Variants in LDLRAD3 observed in about 807,000 individuals in gnomAD.
LDLRAD3 encodes the protein low-density lipoprotein receptor class A domain-containing protein 3.
Under a neutral mutation model 29.4 loss-of-function variants are expected in LDLRAD3, and 20 were observed. The observed-to-expected ratio is 0.68, with a 90% CI of 0.48 to 0.99. The LOEUF is 0.99. Ranked by LOEUF, LDLRAD3 falls within the 50% of genes least tolerant of loss-of-function variation. LDLRAD3 has a pLI of 0.00. For missense variants in LDLRAD3, 420 were observed against 454.3 expected (o/e 0.92, Z 0.69); for synonymous variants, 157 against 192.7 (o/e 0.81, Z 1.53).
At chr11:36,029,500 A>C (rs1019276670) in intron 1 of LDLRAD3, among the ~76,000 whole-genome samples, 1 of 152,156 alleles carries the variant, frequency 6.6e-6, no homozygotes, top group Non-Finnish European at 1.5e-5. Flanking sequence ...TGGATCTCAC[A>C]AAGGCCGTAT....
intron 1 of LDLRAD3, among the ~76,000 whole-genome samples, chr11:36,034,147 T>C (rs926344953): frequency 2.0e-5 from 3 of 152,144 alleles, no homozygotes; most frequent in Non-Finnish European, 2.9e-5. Context: ...CGGAATCTTT[T>C]TTGATTTATT....
At chr11:35,976,920 TTTTA>T (rs1851484200) in intron 1 of LDLRAD3, among the ~76,000 whole-genome samples, 1 of 152,180 alleles carries the variant, frequency 6.6e-6, no homozygotes, top group South Asian at 2.1e-4. Context: ...TGCTTTGGCT[TTTTA>T]TTTATCTTGG....
chr11:36,128,174 T>C (rs1289829855), intron 4 of LDLRAD3, among the ~76,000 whole-genome samples: 2 of 138,088 alleles, frequency 1.4e-5, no homozygotes, highest in African/African-American at 5.1e-5. Context: ...GAATGGGAAC[T>C]GAAAGATGAA....
rs537595517 is a variant in LDLRAD3, at chr11:36,188,545, G to T, written c.455-38540G>T. ...GGAATTGGCAACTTGAGATAACTCT[G>T]GAAACAGAAGAGATGGGCTAAAAAT... On this transcript the variant is annotated intron_variant, in intron 4 of 5. Coordinates refer to ENST00000315571, the MANE Select transcript of LDLRAD3 (RefSeq NM_174902.4). Among the ~76,000 whole-genome samples, 4 of 152,210 alleles carry T rather than the reference G, an allele frequency of 2.6e-5. No homozygotes were observed. In the South Asian group the frequency reaches 8.3e-4, roughly 32 times the overall value.
At chr11:36,158,842 G>A (rs1384772885) in intron 4 of LDLRAD3, among the ~76,000 whole-genome samples, 6 of 152,100 alleles carry the variant, frequency 3.9e-5, no homozygotes, top group Non-Finnish European at 8.8e-5. Flanking sequence ...AGGGTACAAT[G>A]TGTTGTAATC....
intron 1 of LDLRAD3, among the ~76,000 whole-genome samples, chr11:36,019,826 G>A (rs1256814376): frequency 3.3e-5 from 5 of 152,190 alleles, no homozygotes; most frequent in African/African-American, 4.8e-5. Context: ...CTCTGTGGAT[G>A]GAGGACTGGA....
intron 4 of LDLRAD3, among the ~76,000 whole-genome samples, chr11:36,141,441 G>C (rs747950938): frequency 6.6e-6 from 1 of 152,276 alleles, no homozygotes; most frequent in South Asian, 2.1e-4. Flanking sequence ...ATGTGGAAGC[G>C]GATGCATCCC....
At chr11:36,110,128 A>G (rs576945486) in intron 4 of LDLRAD3, 1 of 152,346 alleles carries the variant, frequency 6.6e-6, no homozygotes, top group Non-Finnish European at 1.5e-5. Context: ...GAGTGTTTGC[A>G]TGACAAAAGC....
At chr11:35,952,996 G>A (rs957999310) in intron 1 of LDLRAD3, among the ~76,000 whole-genome samples, 1 of 152,184 alleles carries the variant, frequency 6.6e-6, no homozygotes, top group East Asian at 1.9e-4. Context: ...AGTAGGCAGT[G>A]ATGTCTTGTG....
intron 2 of LDLRAD3, among the ~76,000 whole-genome samples, chr11:36,060,700 T>C (rs545701728): frequency 6.6e-6 from 1 of 152,364 alleles, no homozygotes; most frequent in South Asian, 2.1e-4. Flanking sequence ...TCTAATGTTC[T>C]GGATACTTCT....
chr11:36,010,365 T>C (rs1245172961), intron 1 of LDLRAD3, among the ~76,000 whole-genome samples: 1 of 152,250 alleles, frequency 6.6e-6, no homozygotes. Context: ...ATAATATTTC[T>C]TATTAGAAGA....
intron 1 of LDLRAD3, among the ~76,000 whole-genome samples, chr11:35,951,997 T>C (rs1268811663): frequency 6.6e-6 from 1 of 152,246 alleles, no homozygotes; most frequent in Non-Finnish European, 1.5e-5. Flanking sequence ...TTTCGGCTCT[T>C]ATATACCTAC....
chr11:36,083,147 C>T (rs149018484), intron 3 of LDLRAD3, among the ~76,000 whole-genome samples: 3 of 152,288 alleles, frequency 2.0e-5, no homozygotes, highest in Admixed American at 6.5e-5. Context: ...GTGATACAAT[C>T]GTTACGATCA....
intron 2 of LDLRAD3, among the ~76,000 whole-genome samples, chr11:36,058,664 A>G (rs914768068): frequency 6.6e-6 from 1 of 152,214 alleles, no homozygotes; most frequent in Non-Finnish European, 1.5e-5. Context: ...CTAATCCATT[A>G]GCAAGCCCAG....
intron 4 of LDLRAD3, among the ~76,000 whole-genome samples, chr11:36,108,586 A>G (rs992955358): frequency 1.3e-5 from 2 of 152,074 alleles, no homozygotes; most frequent in Non-Finnish European, 1.5e-5. Context: ...TCTCAAGACA[A>G]GATGCTGAAG....
At chr11:36,036,902 G>A (rs989268643) in intron 2 of LDLRAD3, among the ~76,000 whole-genome samples, 5 of 152,064 alleles carry the variant, frequency 3.3e-5, no homozygotes, top group South Asian at 2.1e-4. Flanking sequence ...TCATGACGCC[G>A]AAACATGCAT....
intron 4 of LDLRAD3, among the ~76,000 whole-genome samples, chr11:36,100,300 C>T (rs1313328161): frequency 6.6e-6 from 1 of 152,322 alleles, no homozygotes; most frequent in East Asian, 1.9e-4. Flanking sequence ...GGCCTTTACA[C>T]AAGATCAAAT....
At chr11:36,075,110 C>T (rs1028470226) in intron 2 of LDLRAD3, among the ~76,000 whole-genome samples, 9 of 152,022 alleles carry the variant, frequency 5.9e-5, no homozygotes, top group African/African-American at 1.9e-4. Context: ...TTTGGTGTAC[C>T]GAGAATGCCT....
chr11:36,028,454 A>G (rs997119015), intron 1 of LDLRAD3, among the ~76,000 whole-genome samples: 1 of 152,144 alleles, frequency 6.6e-6, no homozygotes, highest in Admixed American at 6.5e-5. Flanking sequence ...ATTTTACATA[A>G]GCCTGTAGTT....
Sources: allele counts gnomAD v4.1 joint callset (sites outside exome capture counted in the v4.1 genomes callset), GRCh38; gene constraint gnomAD v4.1.1; transcripts MANE v1.5; gene names NCBI Gene and HGNC (gene_info 2026-07-23, HGNC 2026-07-21).